The following NEIL3 variants were observed in gnomAD, a reference collection of about 807,000 sequenced individuals.
NEIL3 encodes nei like DNA glycosylase 3.
NEIL3 carries 48 observed loss-of-function variants against 57.5 expected under a neutral mutation model. That is an observed-to-expected ratio of 0.83 (90% CI 0.66 to 1.06). The LOEUF (loss-of-function observed/expected upper bound fraction) is 1.06. Ranked by LOEUF, NEIL3 falls within the 50% of genes least tolerant of loss-of-function variation. NEIL3 has a pLI of 0.00. For synonymous variants in NEIL3, 261 were observed against 253.2 expected, an observed-to-expected ratio of 1.03 and a Z score of -0.29; for missense variants, 717 against 739.1, an observed-to-expected ratio of 0.97 and a Z score of 0.35.
At chr4:177,326,972 G>A (rs112829022) in intron 2 of NEIL3, among the ~76,000 whole-genome samples, 2 of 152,034 alleles carry the variant, frequency 1.3e-5, no homozygotes, top group African/African-American at 4.8e-5. Flanking sequence ...GTCGAGGTGT[G>A]GGGGGGCATG....
chr4:177,340,752 T>C (rs1276332891), intron 5 of NEIL3, among the ~76,000 whole-genome samples: 2 of 152,180 alleles, frequency 1.3e-5, no homozygotes, highest in African/African-American at 2.4e-5. Context: ...TGGTGAGCCA[T>C]ATTTCTGGGC....
intron 1 of NEIL3, among the ~76,000 whole-genome samples, chr4:177,320,048 A>C (rs1026999438): frequency 6.6e-6 from 1 of 152,192 alleles, no homozygotes; most frequent in Non-Finnish European, 1.5e-5. Context: ...ACAAAGATCT[A>C]TATCTGCTTT....
Position 177,341,548 on chromosome 4 carries a change from T to C in NEIL3, c.775T>C (p.Cys259Arg), listed in dbSNP as rs1735092476. 1 of 1,613,826 alleles carries C rather than the reference T, an allele frequency of 6.2e-7. No homozygotes were observed. Residue 259 changes from cysteine to arginine, a missense_variant, in exon 6 of 10, where the codon TGC becomes CGC. Cys to Arg is a radical substitution (Grantham distance 180, BLOSUM62 -3). Coordinates refer to ENST00000264596, the MANE Select transcript of NEIL3 (RefSeq NM_018248.3). ...YKRPNCGQCH[C>R]RITVCRFGDN... Reference sequence around the variant, plus strand: ...GCGTCCTAATTGTGGTCAGTGCCACTGCAGAATAACTGTGTGCCGCTTTGG... The same window carrying C: ...GCGTCCTAATTGTGGTCAGTGCCACCGCAGAATAACTGTGTGCCGCTTTGG...
intron 7 of NEIL3, 86 bp downstream of exon 7, chr4:177,351,635 A>G: frequency 9.5e-7 from 1 of 1,050,362 alleles, no homozygotes; most frequent in Non-Finnish European, 1.4e-6. Context: ...CTCCATCTTG[A>G]TATTCCATAA....
chr4:177,333,797 A>G (rs1481058438), intron 2 of NEIL3, among the ~76,000 whole-genome samples: 1 of 152,172 alleles, frequency 6.6e-6, no homozygotes, highest in East Asian at 1.9e-4. Flanking sequence ...AGAAAAATTG[A>G]CGAACCCAGC....
intron 6 of NEIL3, among the ~76,000 whole-genome samples, chr4:177,345,253 A>G (rs758612210): frequency 6.6e-5 from 10 of 152,208 alleles, no homozygotes; most frequent in Non-Finnish European, 1.2e-4. Context: ...AGAAATAGGA[A>G]TTCATCAAAG....
At chr4:177,322,608 ATC>A in intron 2 of NEIL3, 28 bp downstream of exon 2, 2 of 1,613,248 alleles carry the variant, frequency 1.2e-6, no homozygotes, top group South Asian at 1.1e-5. Flanking sequence ...GATACATCTT[ATC>A]TCTCTATATT....
chr4:177,312,930 A>G (rs1734503992), intron 1 of NEIL3, among the ~76,000 whole-genome samples: 1 of 152,190 alleles, frequency 6.6e-6, no homozygotes, highest in Admixed American at 6.5e-5. Context: ...AGAGGGATCC[A>G]TAGTAAATTT....
At chr4:177,314,921 C>T (rs757846106) in intron 1 of NEIL3, among the ~76,000 whole-genome samples, 22 of 108,442 alleles carry the variant, frequency 2.0e-4, no homozygotes, top group Non-Finnish European at 3.9e-4. Flanking sequence ...ACTAAAAATA[C>T]AAAAAATTAG....
chr4:177,336,644 G>T (rs1007513809), intron 4 of NEIL3, among the ~76,000 whole-genome samples: 4 of 152,142 alleles, frequency 2.6e-5, no homozygotes, highest in Non-Finnish European at 5.9e-5. Context: ...TTTAAAAGCT[G>T]TCTCCTTCTG....
At chr4:177,319,053 A>T (rs1734627132) in intron 1 of NEIL3, among the ~76,000 whole-genome samples, 1 of 152,198 alleles carries the variant, frequency 6.6e-6, no homozygotes, top group African/African-American at 2.4e-5. Context: ...GAACTGTTAC[A>T]GGTGTTGGCT....
At chr4:177,319,566 C>T (rs557908307) in intron 1 of NEIL3, among the ~76,000 whole-genome samples, 1 of 152,210 alleles carries the variant, frequency 6.6e-6, no homozygotes, top group African/African-American at 2.4e-5. Flanking sequence ...CTGGGCAATG[C>T]ACACTATACC....
At chr4:177,356,342 T>G (rs1735473102) in intron 8 of NEIL3, among the ~76,000 whole-genome samples, 1 of 152,156 alleles carries the variant, frequency 6.6e-6, no homozygotes, top group Non-Finnish European at 1.5e-5. Context: ...CAGCATTACT[T>G]AGGAATGCTG....
chr4:177,327,646 C>T (rs1431149695), intron 2 of NEIL3, among the ~76,000 whole-genome samples: 1 of 152,060 alleles, frequency 6.6e-6, no homozygotes, highest in African/African-American at 2.4e-5. Flanking sequence ...GGCCAGGACC[C>T]CCAGCATGAT....
At chr4:177,327,116 TTC>T (rs1234965531) in intron 2 of NEIL3, among the ~76,000 whole-genome samples, 1 of 152,124 alleles carries the variant, frequency 6.6e-6, no homozygotes, top group Non-Finnish European at 1.5e-5. Flanking sequence ...TCTCTTTCTC[TTC>T]TCTCTCCTGC....
chr4:177,335,461 T>G (rs1392440744), intron 2 of NEIL3, among the ~76,000 whole-genome samples: 1 of 152,222 alleles, frequency 6.6e-6, no homozygotes, highest in Non-Finnish European at 1.5e-5. Flanking sequence ...GAAGTTATTT[T>G]ACTTTTGAGT....
chr4:177,317,923 A>G (rs1734605899), intron 1 of NEIL3, among the ~76,000 whole-genome samples: 1 of 152,060 alleles, frequency 6.6e-6, no homozygotes, highest in Non-Finnish European at 1.5e-5. Context: ...TCTCTGATAG[A>G]TGACAGTAGG....
the NEIL3 span, among the ~76,000 whole-genome samples, chr4:177,368,685 C>T: frequency 2.0e-5 from 3 of 152,140 alleles, no homozygotes; most frequent in Non-Finnish European, 2.9e-5. Flanking sequence ...ACATTTTTAA[C>T]GTTGTTACCA....
intron 2 of NEIL3, among the ~76,000 whole-genome samples, chr4:177,324,808 C>T (rs1366763858): frequency 1.3e-5 from 2 of 152,084 alleles, no homozygotes; most frequent in African/African-American, 2.4e-5. Context: ...TCTTTATTAA[C>T]TTTGGATGCA....
Sources: allele counts gnomAD v4.1 joint callset (sites outside exome capture counted in the v4.1 genomes callset), GRCh38; gene constraint gnomAD v4.1.1; transcripts MANE v1.5; gene names NCBI Gene and HGNC (gene_info 2026-07-23, HGNC 2026-07-21).